Variants in LOC400499 observed in about 807,000 individuals in gnomAD.
At chr16:11,397,789 G>GGATGGATGGATGGAT in the LOC400499 span, among the ~76,000 whole-genome samples, 2 of 134,118 alleles carry the variant, frequency 1.5e-5, no homozygotes, top group African/African-American at 5.7e-5. Context: ...GAGGGAGGGA[G>GGATGGATGGATGGAT]GGAGGGAGGG....
chr16:11,387,407 G>C, the LOC400499 span: 1 of 903,164 alleles, frequency 1.1e-6, no homozygotes, highest in African/African-American at 1.7e-5. Context: ...AGAGCATGAG[G>C]GTGCCTTTCA....
the LOC400499 span, among the ~76,000 whole-genome samples, chr16:11,459,394 C>T: frequency 5.9e-5 from 9 of 151,854 alleles, no homozygotes; most frequent in Non-Finnish European, 1.3e-4. Flanking sequence ...GACGGTGTTT[C>T]GCCGTGTTAG....
At chr16:11,416,370 C>A in the LOC400499 span, among the ~76,000 whole-genome samples, 1 of 152,222 alleles carries the variant, frequency 6.6e-6, no homozygotes, top group South Asian at 2.1e-4. Flanking sequence ...GAGGATGGCT[C>A]TGGGTTCAAT....
chr16:11,490,132 T>C, the LOC400499 span, among the ~76,000 whole-genome samples: 15 of 152,120 alleles, frequency 9.9e-5, no homozygotes, highest in African/African-American at 3.6e-4. Flanking sequence ...CAGTGGCTCA[T>C]CCCTGTCATC....
At chr16:11,451,957 G>A in the LOC400499 span, among the ~76,000 whole-genome samples, 33 of 152,230 alleles carry the variant, frequency 2.2e-4, no homozygotes, top group South Asian at 6.0e-3. Flanking sequence ...CAGAAGGAAC[G>A]CACGGATCCC....
the LOC400499 span, among the ~76,000 whole-genome samples, chr16:11,394,187 G>A: frequency 2.0e-5 from 3 of 152,196 alleles, no homozygotes; most frequent in Non-Finnish European, 4.4e-5. Flanking sequence ...AGGAGACACG[G>A]GCACACCTGG....
the LOC400499 span, among the ~76,000 whole-genome samples, chr16:11,488,108 G>C: frequency 8.0e-6 from 1 of 125,046 alleles, no homozygotes; most frequent in Non-Finnish European, 1.6e-5. Context: ...TAGGGCGATA[G>C]TCCATGTCAA....
the LOC400499 span, among the ~76,000 whole-genome samples, chr16:11,396,935 G>A: frequency 6.6e-6 from 1 of 152,138 alleles, no homozygotes; most frequent in Non-Finnish European, 1.5e-5. Flanking sequence ...GTTCCTCAAG[G>A]CAGAGTTGTG....
At chr16:11,524,033 C>G in the LOC400499 span, among the ~76,000 whole-genome samples, 2 of 96,152 alleles carry the variant, frequency 2.1e-5, no homozygotes, top group Non-Finnish European at 4.3e-5. Flanking sequence ...CAACCCCCCT[C>G]CTACGCATCC....
the LOC400499 span, among the ~76,000 whole-genome samples, chr16:11,427,714 G>C: frequency 2.0e-5 from 3 of 152,254 alleles, no homozygotes; most frequent in African/African-American, 7.2e-5. Flanking sequence ...CCAAAGTGCT[G>C]GGATTATAGG....
At chr16:11,389,996 G>T in the LOC400499 span, 1 of 636,958 alleles carries the variant, frequency 1.6e-6, no homozygotes, top group Non-Finnish European at 2.3e-6. Context: ...AGAAGCCCCT[G>T]GGCAGGGTGG....
the LOC400499 span, among the ~76,000 whole-genome samples, chr16:11,429,163 G>T: frequency 6.6e-6 from 1 of 152,162 alleles, no homozygotes; most frequent in Non-Finnish European, 1.5e-5. Flanking sequence ...CTGGTGGGAG[G>T]TGACTGGTTG....
chr16:11,417,678 T>C, the LOC400499 span: 47,964 of 399,134 alleles, frequency 0.12, 3,699 homozygotes, highest in African/African-American at 0.28. Flanking sequence ...CTGGGAACCC[T>C]GCCCACAACA....
the LOC400499 span, chr16:11,516,396 C>G: frequency 5.0e-6 from 2 of 398,072 alleles, no homozygotes; most frequent in Admixed American, 4.4e-5. Context: ...CCCTGCCTTC[C>G]TACAGGCCAG....
chr16:11,495,659 C>A, the LOC400499 span, among the ~76,000 whole-genome samples: 11 of 152,230 alleles, frequency 7.2e-5, no homozygotes, highest in African/African-American at 2.6e-4. Context: ...GGATTACAGG[C>A]ATGAGCCACC....
the LOC400499 span, among the ~76,000 whole-genome samples, chr16:11,375,832 C>A: frequency 6.7e-6 from 1 of 150,172 alleles, no homozygotes; most frequent in South Asian, 2.1e-4. Context: ...CAGGTTCAAG[C>A]AATTCTCCTG....
At chr16:11,404,445 C>T in the LOC400499 span, among the ~76,000 whole-genome samples, 1 of 152,130 alleles carries the variant, frequency 6.6e-6, no homozygotes, top group East Asian at 1.9e-4. Context: ...CTCCCAGGTT[C>T]AAGCGATTCT....
the LOC400499 span, among the ~76,000 whole-genome samples, chr16:11,379,384 C>G: frequency 6.6e-6 from 1 of 152,336 alleles, no homozygotes; most frequent in East Asian, 1.9e-4. Context: ...ACTGTTACAT[C>G]TTTTTGGTGA....
the LOC400499 span, among the ~76,000 whole-genome samples, chr16:11,526,995 A>G: frequency 2.6e-5 from 4 of 152,214 alleles, no homozygotes; most frequent in Non-Finnish European, 2.9e-5. Context: ...AAAAGGTGGC[A>G]GCGGAAAGGC....
Sources: allele counts gnomAD v4.1 joint callset (sites outside exome capture counted in the v4.1 genomes callset), GRCh38; gene constraint gnomAD v4.1.1; transcripts MANE v1.5.